The following CA12 variants were observed in gnomAD, a reference collection of about 807,000 sequenced individuals.
CA12 encodes the protein carbonic anhydrase 12, also known as carbonate dehydratase XII.
Under a neutral mutation model 46.8 loss-of-function variants are expected in CA12, and 36 were observed. The ratio of observed to expected loss-of-function variants is 0.77; its 90% confidence interval spans 0.59 to 1.02. CA12 has a LOEUF of 1.02. CA12 is among the 50% of genes least tolerant of loss of function. CA12 has a pLI of 0.00. For synonymous variants in CA12, 202 were observed against 187.0 expected (o/e 1.08, Z -0.65); for missense variants, 436 against 451.4 (o/e 0.97, Z 0.31).
At position 63,328,839 on chromosome 15, in the gene CA12, T is replaced by A. The variant is rs2038901525; in HGVS notation, c.875-709A>T. Among the ~76,000 whole-genome samples the A allele has an allele frequency of 6.6e-6, 1 of 152,206 alleles. No homozygotes were observed. Among genetic ancestry groups the A allele is most frequent in the African/African-American group, 2.4e-5 (1 of 41,454 alleles). On this transcript the variant is annotated intron_variant, in intron 8 of 10. Transcript: ENST00000178638. The surrounding 1 kb of genome is among the most constrained non-coding windows in gnomAD (Gnocchi z 5.9). ...CCTCAGCCTCCCGAGCAGCTGGGAC[T>A]GCAGGCGTGCACCACAACGCTTGGC...
At chr15:63,346,739 A>G in intron 2 of CA12, 30 bp from the exon 3 acceptor site, 1 of 1,610,466 alleles carries the variant, frequency 6.2e-7, no homozygotes. Flanking sequence ...CTCAAGATTT[A>G]GAGTTTCTCA....
rs981481880 is a variant in CA12, at chr15:63,326,346, C to A, written c.1004G>T (p.Gly335Val). 1.9e-6 allele frequency: 3 copies of A among 1,613,664 alleles called. No individual in the cohort carries two copies. The highest frequency in any genetic ancestry group is 2.5e-6 in the Non-Finnish European group (3 of 1,179,632). ...CTTGTAAATGACTCCCTTGTTATCA[C>A]CTTTTTTGATACTAGAACAGAAAGA... ...WLFRRKSIKK[G>V]DNKGVIYKPA... The change falls in exon 11 of 11, where the codon GGT becomes GTT. Residue 335 changes from glycine (G) to valine (V), a missense_variant. Transcript: ENST00000178638.
At position 63,372,104 on chromosome 15, in the gene CA12, C is replaced by A. The variant is rs2039515598; in HGVS notation, c.106+3554G>T. Among the ~76,000 whole-genome samples the A allele has an allele frequency of 6.6e-6, 1 of 152,232 alleles. No individual in the cohort carries two copies. The highest frequency in any genetic ancestry group is 2.1e-4 in the South Asian group (1 of 4,826). On this transcript the variant is annotated intron_variant, in intron 2 of 10. Transcript: ENST00000178638. This position sits in a 1 kb window ranked among gnomAD's most constrained non-coding sequence, Gnocchi z 4.5. ...CTTCCTGCCTCCTTCCGGTCATCTT[C>A]ATCCCCCACAGGGCACATATTCTGA...
At chr15:63,379,974 G>T (rs926091386) in intron 1 of CA12, among the ~76,000 whole-genome samples, 2 of 152,182 alleles carry the variant, frequency 1.3e-5, no homozygotes, top group African/African-American at 4.8e-5. Flanking sequence ...AAGTTTAAAT[G>T]CACCAGGCAG....
rs113043581 is a variant in CA12, at chr15:63,328,732, G to T, written c.875-602C>A. ...TGTGTTTTTTTTGAGACAGAGTCTC[G>T]CTCTGTCACACATGCTGGAGTGCAG... On this transcript the variant is annotated intron_variant, in intron 8 of 10. Transcript: ENST00000178638. The surrounding 1 kb of genome is among the most constrained non-coding windows in gnomAD (Gnocchi z 5.9). 2.6e-5 allele frequency among the ~76,000 whole-genome samples: 4 copies of T among 151,948 alleles called. No individual in the cohort carries two copies. In the East Asian group the frequency reaches 7.8e-4, roughly 30 times the overall value.
chr15:63,346,833 CT>C, intron 2 of CA12, 124 bp from the exon 3 acceptor site: 2 of 1,114,202 alleles, frequency 1.8e-6, no homozygotes, highest in East Asian at 5.0e-5. Context: ...GGAGGTAAAT[CT>C]TCAAGGCTCA....
At chr15:63,334,272 T>C (rs912045163) in intron 8 of CA12, among the ~76,000 whole-genome samples, 2 of 112,948 alleles carry the variant, frequency 1.8e-5, no homozygotes, top group Non-Finnish European at 3.9e-5. Context: ...TTTTTTTTTT[T>C]TCAGATGGAG....
chr15:63,361,258 T>C (rs1048043952), intron 2 of CA12, among the ~76,000 whole-genome samples: 1 of 152,224 alleles, frequency 6.6e-6, no homozygotes, highest in Non-Finnish European at 1.5e-5. Context: ...AATGATACAA[T>C]AATACAAACT....
chr15:63,369,767 G>C (rs2039479459), intron 2 of CA12, among the ~76,000 whole-genome samples: 1 of 152,270 alleles, frequency 6.6e-6, no homozygotes, highest in Admixed American at 6.5e-5. Flanking sequence ...TTTCCATGGA[G>C]GTCGCCTGGT....
rs536800197 is a variant in CA12, at chr15:63,374,738, C to A, written c.106+920G>T. 6.6e-6 allele frequency among the ~76,000 whole-genome samples: 1 copy of A among 152,294 alleles called. No homozygotes were observed. The highest frequency in any genetic ancestry group is 6.5e-5 in the Admixed American group (1 of 15,300). On this transcript the variant is annotated intron_variant, in intron 2 of 10. Coordinates refer to ENST00000178638, the MANE Select transcript of CA12 (RefSeq NM_001218.5). The surrounding 1 kb of genome is among the most constrained non-coding windows in gnomAD (Gnocchi z 4.4). The stretch of plus-strand genomic sequence containing the variant: ...GATCTTTCTCTGGACGGTGCTTCCA[C>A]TGTAGTAATCAACTTCCCGCCTGTC...
At chr15:63,375,299 T>C (rs1048608638) in intron 2 of CA12, among the ~76,000 whole-genome samples, 1 of 152,228 alleles carries the variant, frequency 6.6e-6, no homozygotes. Flanking sequence ...TAATAGGATA[T>C]GTGTCCTGCA....
In CA12 at chr15:63,340,551, G is replaced by A; in HGVS notation, c.590-106C>T. The A allele has an allele frequency of 6.7e-7, 1 of 1,499,548 alleles. No homozygotes were observed. Among genetic ancestry groups the A allele is most frequent in the Non-Finnish European group, 9.3e-7 (1 of 1,076,446 alleles). 92.9% of individuals were successfully genotyped at this position (1,499,548 alleles called of 1,614,324 possible). A position where few individuals can be genotyped will look rare whatever the true frequency, so the allele number is the denominator to read the frequency against. ...TAGAAACATGAACTAGCCCCTTTCA[G>A]GGTCATCTAACCCCAGGACCTGGTT... On this transcript the variant is annotated intron_variant, in intron 6 of 10. Coordinates refer to ENST00000178638, the MANE Select transcript of CA12 (RefSeq NM_001218.5). The surrounding 1 kb of genome is among the most constrained non-coding windows in gnomAD (Gnocchi z 4.4).
At chr15:63,349,993 C>T (rs1056894453) in intron 2 of CA12, among the ~76,000 whole-genome samples, 1 of 152,202 alleles carries the variant, frequency 6.6e-6, no homozygotes, top group South Asian at 2.1e-4. Flanking sequence ...AATGTACCCT[C>T]CTAGCTTTCT....
intron 2 of CA12, among the ~76,000 whole-genome samples, chr15:63,369,649 A>G (rs1567054309): frequency 6.6e-6 from 1 of 152,174 alleles, no homozygotes; most frequent in Non-Finnish European, 1.5e-5. Context: ...ACACTTTGAG[A>G]ACCACTGGTG....
At chr15:63,369,580 G>C (rs149859026) in intron 2 of CA12, among the ~76,000 whole-genome samples, 1 of 152,216 alleles carries the variant, frequency 6.6e-6, no homozygotes, top group Non-Finnish European at 1.5e-5. Context: ...GGTAGGCCTG[G>C]GATGGGCTGA....
rs1199503870 is a variant in CA12, at chr15:63,344,794, T to G, written c.429+683A>C. 3.3e-5 allele frequency among the ~76,000 whole-genome samples: 5 copies of G among 152,134 alleles called. No individual in the cohort carries two copies. The East Asian group carries it at 9.6e-4, about 29-fold the overall frequency. On this transcript the variant is annotated intron_variant, in intron 4 of 10. Coordinates refer to ENST00000178638, the MANE Select transcript of CA12 (RefSeq NM_001218.5). The stretch of plus-strand genomic sequence containing the variant: ...AAAATGGAGCATCTCAACCCCCTCC[T>G]TGCCCCACCCCATCCTGCAATTGCA...
At position 63,338,635 on chromosome 15, in the gene CA12, C is replaced by A. The variant is rs144846982; in HGVS notation, c.874+184G>T. Among the ~76,000 whole-genome samples the A allele has an allele frequency of 5.3e-4, 80 of 152,290 alleles. No homozygotes were observed. The East Asian group carries it at 0.015, about 29-fold the overall frequency. On this transcript the variant is annotated intron_variant, in intron 8 of 10. Coordinates refer to ENST00000178638, the MANE Select transcript of CA12 (RefSeq NM_001218.5). Reference sequence around the variant, plus strand: ...GGCTTTTTGCTTCTCTGCAAAGACTCACTGAAGGGGGGACCCCAGTGAGCC... The same window carrying A: ...GGCTTTTTGCTTCTCTGCAAAGACTAACTGAAGGGGGGACCCCAGTGAGCC...
intron 2 of CA12, among the ~76,000 whole-genome samples, chr15:63,363,653 GA>G (rs1346046054): frequency 4.6e-5 from 7 of 152,208 alleles, no homozygotes; most frequent in South Asian, 2.1e-4. Flanking sequence ...TTTGACAAGT[GA>G]TAATCAGCCT....
intron 2 of CA12, among the ~76,000 whole-genome samples, chr15:63,359,412 C>A (rs2039331689): frequency 6.6e-6 from 1 of 152,062 alleles, no homozygotes; most frequent in African/African-American, 2.4e-5. Flanking sequence ...CCCTCACTTC[C>A]AGCCATCACC....
Sources: allele counts gnomAD v4.1 joint callset (sites outside exome capture counted in the v4.1 genomes callset), GRCh38; gene constraint gnomAD v4.1.1; non-coding constraint Gnocchi (gnomAD v3.1); transcripts MANE v1.5; gene names NCBI Gene and HGNC (gene_info 2026-07-23, HGNC 2026-07-21).